The following GPR158 variants were observed in gnomAD, a reference collection of about 807,000 sequenced individuals.
GPR158 encodes the protein G protein-coupled receptor 158.
A neutral mutation model predicts 78.2 loss-of-function variants in GPR158; 30 were observed. The ratio of observed to expected loss-of-function variants is 0.38; its 90% CI spans 0.29 to 0.52. GPR158 has a LOEUF of 0.52. Ranked by LOEUF, GPR158 falls within the 20% of genes least tolerant of loss-of-function variation. The pLI is 0.83. For synonymous variants in GPR158, 581 were observed against 591.1 expected, an observed-to-expected ratio of 0.98 and a Z score of 0.25; for missense variants, 1,463 against 1,523.5, an observed-to-expected ratio of 0.96 and a Z score of 0.66.
chr10:25,528,902 G>A (rs1464394351), intron 5 of GPR158, among the ~76,000 whole-genome samples: 2 of 152,142 alleles, frequency 1.3e-5, no homozygotes, highest in South Asian at 2.1e-4. Context: ...GTGTTAATTG[G>A]CCTAAGGAGA....
At chr10:25,582,439 T>A (rs1233227551) in intron 7 of GPR158, among the ~76,000 whole-genome samples, 2 of 152,140 alleles carry the variant, frequency 1.3e-5, no homozygotes, top group Non-Finnish European at 2.9e-5. Flanking sequence ...TTACTTAAGA[T>A]GCAATGGAAA....
At chr10:25,454,735 G>A (rs1253796487) in intron 4 of GPR158, among the ~76,000 whole-genome samples, 1 of 152,150 alleles carries the variant, frequency 6.6e-6, no homozygotes, top group Non-Finnish European at 1.5e-5. Context: ...AATATAAACA[G>A]ATAGTTTTTT....
intron 2 of GPR158, among the ~76,000 whole-genome samples, chr10:25,325,468 TAC>T (rs3054025): frequency 0.57 from 86,012 of 150,040 alleles, 26,782 homozygotes; most frequent in Non-Finnish European, 0.73. Context: ...TATATATAAT[TAC>T]ACACACACAC....
chr10:25,358,179 G>C (rs1368025879), intron 2 of GPR158, among the ~76,000 whole-genome samples: 3 of 152,084 alleles, frequency 2.0e-5, no homozygotes, highest in African/African-American at 7.2e-5. Context: ...ATTGTATCAA[G>C]CAAGTAACTA....
intron 5 of GPR158, among the ~76,000 whole-genome samples, chr10:25,514,247 A>G (rs891047003): frequency 1.3e-5 from 2 of 152,146 alleles, no homozygotes; most frequent in Non-Finnish European, 2.9e-5. Flanking sequence ...TTTTTAAATC[A>G]TTATATAATG....
intron 2 of GPR158, among the ~76,000 whole-genome samples, chr10:25,313,573 T>C (rs1458612653): frequency 6.6e-6 from 1 of 152,108 alleles, no homozygotes; most frequent in Non-Finnish European, 1.5e-5. Flanking sequence ...TTCCCAAAGA[T>C]TTTTGATCGT....
intron 2 of GPR158, among the ~76,000 whole-genome samples, chr10:25,313,442 CAGAG>C (rs1854797053): frequency 6.6e-6 from 1 of 151,278 alleles, no homozygotes; most frequent in Non-Finnish European, 1.5e-5. Context: ...GAGTACTTAA[CAGAG>C]AGATATGTTG....
intron 2 of GPR158, among the ~76,000 whole-genome samples, chr10:25,338,393 ATATATTATTATATATAACGTAT>A: frequency 1.5e-5 from 2 of 134,974 alleles, no homozygotes; most frequent in Admixed American, 1.4e-4. Context: ...CTCTCTCTAT[ATATATTATTATATATAACGTAT>A]TATATATTAT....
chr10:25,533,078 T>A (rs879551823), intron 5 of GPR158, among the ~76,000 whole-genome samples: 3 of 152,184 alleles, frequency 2.0e-5, no homozygotes, highest in Non-Finnish European at 2.9e-5. Flanking sequence ...GTGTTTTTTG[T>A]CTTGCAAAAA....
chr10:25,189,870 G>GTA (rs1436766643), intron 1 of GPR158, among the ~76,000 whole-genome samples: 4 of 148,824 alleles, frequency 2.7e-5, no homozygotes, highest in African/African-American at 9.9e-5. Context: ...GTGTGTGTGT[G>GTA]TGTATGTGTA....
intron 7 of GPR158, among the ~76,000 whole-genome samples, chr10:25,586,569 A>AT (rs1837271757): frequency 6.6e-6 from 1 of 151,678 alleles, no homozygotes; most frequent in African/African-American, 2.4e-5. Context: ...CACCAGGCTA[A>AT]TTTTTTAAAT....
intron 1 of GPR158, among the ~76,000 whole-genome samples, chr10:25,186,218 A>C (rs895506028): frequency 6.6e-6 from 1 of 152,228 alleles, no homozygotes; most frequent in African/African-American, 2.4e-5. Flanking sequence ...GACACATTTA[A>C]AGCGGTGTGT....
intron 2 of GPR158, among the ~76,000 whole-genome samples, chr10:25,269,847 C>A (rs371360925): frequency 6.6e-6 from 1 of 152,136 alleles, no homozygotes; most frequent in African/African-American, 2.4e-5. Flanking sequence ...CATCCTTTAA[C>A]GTTTGTATTA....
At chr10:25,474,477 G>C (rs1010887878) in intron 5 of GPR158, among the ~76,000 whole-genome samples, 4 of 151,970 alleles carry the variant, frequency 2.6e-5, no homozygotes, top group Non-Finnish European at 5.9e-5. Flanking sequence ...TAGATTTCTA[G>C]ATAAGTATCA....
chr10:25,335,176 TAACAG>T (rs999813467), intron 2 of GPR158, among the ~76,000 whole-genome samples: 1 of 152,092 alleles, frequency 6.6e-6, no homozygotes, highest in Non-Finnish European at 1.5e-5. Flanking sequence ...AGTTAGTACT[TAACAG>T]AGAGAGAGCA....
At chr10:25,473,563 C>A (rs144932856) in intron 5 of GPR158, among the ~76,000 whole-genome samples, 1 of 152,020 alleles carries the variant, frequency 6.6e-6, no homozygotes, top group Non-Finnish European at 1.5e-5. Context: ...TGGTAGAATT[C>A]GGCTGTGAAT....
At chr10:25,378,410 T>G (rs1834112837) in intron 2 of GPR158, among the ~76,000 whole-genome samples, 1 of 152,124 alleles carries the variant, frequency 6.6e-6, no homozygotes, top group Non-Finnish European at 1.5e-5. Flanking sequence ...GGCAAGTTTT[T>G]TTTTTTAAAT....
intron 5 of GPR158, among the ~76,000 whole-genome samples, chr10:25,511,315 A>G: frequency 6.6e-6 from 1 of 152,210 alleles, no homozygotes; most frequent in Admixed American, 6.5e-5. Flanking sequence ...AACATTTTTC[A>G]TATGTTTGTT....
intron 2 of GPR158, among the ~76,000 whole-genome samples, chr10:25,256,221 C>T (rs554834708): frequency 2.0e-4 from 30 of 151,270 alleles, no homozygotes; most frequent in African/African-American, 3.4e-4. Context: ...CACCAAACAG[C>T]GTTTAAAATT....
Sources: gnomAD v4.1 joint callset for allele counts (sites outside exome capture counted in the v4.1 genomes callset) on GRCh38, gnomAD v4.1.1 for gene constraint, MANE v1.5 for transcripts, NCBI Gene and HGNC (gene_info 2026-07-23, HGNC 2026-07-21) for gene names.